The following NCALD variants were observed in gnomAD, a reference collection of about 807,000 sequenced individuals.
The protein encoded by NCALD is neurocalcin delta.
Under a neutral mutation model 18.6 loss-of-function variants are expected in NCALD, and 10 were observed. That is an observed-to-expected ratio of 0.54 (90% confidence interval 0.33 to 0.91). The LOEUF is 0.91. Among genes scored for constraint, NCALD ranks in the 40% least tolerant of loss-of-function variants. NCALD has a pLI of 0.03. For synonymous variants in NCALD, 88 were observed against 87.4 expected, an observed-to-expected ratio of 1.01 and a Z score of -0.04; for missense variants, 184 against 247.6, an observed-to-expected ratio of 0.74 and a Z score of 1.72.
At chr8:101,868,473 G>A (rs1012871667) in intron 4 of NCALD, among the ~76,000 whole-genome samples, 1 of 152,128 alleles carries the variant, frequency 6.6e-6, no homozygotes, top group Non-Finnish European at 1.5e-5. Context: ...TCACACCTAA[G>A]TAACAAAAGG....
chr8:101,726,070 G>C lies in NCALD; in HGVS notation c.-19-6422C>G, dbSNP rs575834198. On this transcript the variant is annotated intron_variant, in intron 1 of 3. Coordinates refer to ENST00000220931, the MANE Select transcript of NCALD (RefSeq NM_032041.3). ...AAGAGCAAGAACAGTGAATGAGAGG[G>C]GTCTAAGCTGGGAGGCAAGCCTAGC... 2.6e-5 allele frequency among the ~76,000 whole-genome samples: 4 copies of C among 152,254 alleles called. No individual in the cohort carries two copies. In the South Asian group the frequency reaches 8.3e-4, roughly 32 times the overall value.
At chr8:102,000,996 C>A (rs1015122951) in intron 2 of NCALD, among the ~76,000 whole-genome samples, 16 of 152,196 alleles carry the variant, frequency 1.1e-4, no homozygotes, top group African/African-American at 3.1e-4. Flanking sequence ...AATACAGCTC[C>A]TCACCAGCAA....
intron 1 of NCALD, among the ~76,000 whole-genome samples, chr8:101,746,361 C>A (rs1356305793): frequency 6.6e-6 from 1 of 152,190 alleles, no homozygotes; most frequent in African/African-American, 2.4e-5. Context: ...AAGGTATGGA[C>A]CAAATGAGGT....
intron 2 of NCALD, among the ~76,000 whole-genome samples, chr8:101,920,803 C>T (rs763018011): frequency 1.3e-5 from 2 of 152,164 alleles, no homozygotes; most frequent in Admixed American, 6.5e-5. Context: ...GTGACAGAAT[C>T]ACTGATACCC....
chr8:101,740,259 G>A (rs1281039475), intron 1 of NCALD, among the ~76,000 whole-genome samples: 2 of 152,202 alleles, frequency 1.3e-5, no homozygotes, highest in Non-Finnish European at 2.9e-5. Context: ...CACTAGACCA[G>A]CTGCCCAGTG....
At chr8:101,813,444 T>C (rs1338490114) in intron 4 of NCALD, among the ~76,000 whole-genome samples, 1 of 152,142 alleles carries the variant, frequency 6.6e-6, no homozygotes, top group Non-Finnish European at 1.5e-5. Flanking sequence ...TGTAAGCCAG[T>C]GTATCAAGGA....
At chr8:101,751,821 C>T (rs577794554) in intron 1 of NCALD, among the ~76,000 whole-genome samples, 4 of 152,330 alleles carry the variant, frequency 2.6e-5, no homozygotes, top group African/African-American at 9.6e-5. Context: ...TCAGCCATGA[C>T]TCAGCTTTCA....
chr8:102,062,909 G>A (rs1823893233), intron 1 of NCALD, among the ~76,000 whole-genome samples: 1 of 152,132 alleles, frequency 6.6e-6, no homozygotes, highest in Admixed American at 6.5e-5. Context: ...CAGAGAGGGT[G>A]CAAATATCTC....
At chr8:102,096,256 C>A (rs1197789843) in intron 1 of NCALD, among the ~76,000 whole-genome samples, 1 of 152,152 alleles carries the variant, frequency 6.6e-6, no homozygotes, top group East Asian at 1.9e-4. Flanking sequence ...TCTTCTAAGG[C>A]CTCTCTCTTG....
At position 101,930,262 on chromosome 8, in the gene NCALD, A is replaced by G. The variant is rs1030019646; in HGVS notation, c.-156-14404T>C. ...AAGTGACTGTAAATTACATAAATAT[A>G]TCTCATTAAACCCAAACAAAATGTA... On this transcript the variant is annotated intron_variant, in intron 2 of 6. Transcript: ENST00000311028. 6.6e-5 allele frequency among the ~76,000 whole-genome samples: 10 copies of G among 152,172 alleles called. No homozygotes were observed. In the East Asian group the frequency reaches 1.7e-3, roughly 27 times the overall value.
At chr8:101,913,652 G>A (rs868776223) in intron 3 of NCALD, among the ~76,000 whole-genome samples, 10 of 152,048 alleles carry the variant, frequency 6.6e-5, no homozygotes, top group African/African-American at 9.7e-5. Context: ...GCACAATCTC[G>A]GCTCACCACA....
chr8:102,057,187 C>A (rs964530252), intron 1 of NCALD, among the ~76,000 whole-genome samples: 1 of 151,980 alleles, frequency 6.6e-6, no homozygotes, highest in East Asian at 1.9e-4. Flanking sequence ...TCGTGCTCCC[C>A]TTGCCTCTGG....
chr8:102,115,151 C>T (rs939045021), intron 1 of NCALD, among the ~76,000 whole-genome samples: 1 of 152,218 alleles, frequency 6.6e-6, no homozygotes, highest in Non-Finnish European at 1.5e-5. Flanking sequence ...AGTTGGTCCC[C>T]TGCAAGGCAA....
At chr8:101,849,028 A>G (rs1814987080) in intron 4 of NCALD, among the ~76,000 whole-genome samples, 3 of 152,256 alleles carry the variant, frequency 2.0e-5, no homozygotes, top group Admixed American at 1.3e-4. Flanking sequence ...ATGCAGCCAT[A>G]AAAAGGAATG....
rs539374359 is a variant in NCALD, at chr8:102,048,265, T to A, written c.-209-27976A>T. 5.9e-5 allele frequency among the ~76,000 whole-genome samples: 9 copies of A among 152,324 alleles called. No individual in the cohort carries two copies. The South Asian group carries it at 1.7e-3, about 28-fold the overall frequency. Reference sequence around the variant, plus strand: ...TAATTCCTGTCTCTCTCTTCCTCCATAAAAGCAGACTATTGCCGGAAAATA... The same window carrying A: ...TAATTCCTGTCTCTCTCTTCCTCCAAAAAAGCAGACTATTGCCGGAAAATA... On this transcript the variant is annotated intron_variant, in intron 1 of 6. Transcript: ENST00000311028.
rs1218065429 is a variant in NCALD at position 101,686,659 on chromosome 8, A to C, written c.*2650T>G. 2.6e-5 allele frequency: 4 copies of C among 152,764 alleles called. No individual in the cohort carries two copies. The highest frequency in any genetic ancestry group is 4.4e-5 in the Non-Finnish European group (3 of 68,050). The allele number at this position is 152,764 out of a possible 1,614,324, so 9.5% of individuals were successfully genotyped here. A position where few individuals can be genotyped will look rare whatever the true frequency, so the allele number is the denominator to read the frequency against. Reference sequence around the variant, plus strand: ...ATATATTATTAAATCCACCGTGGGCATACAGATGGGATGGGACAGCACCCC... The same window carrying C: ...ATATATTATTAAATCCACCGTGGGCCTACAGATGGGATGGGACAGCACCCC... On this transcript the variant is annotated 3_prime_UTR_variant, in exon 4 of 4. Coordinates refer to ENST00000220931, the MANE Select transcript of NCALD (RefSeq NM_032041.3).
At chr8:101,972,321 C>G (rs1393669406) in intron 2 of NCALD, among the ~76,000 whole-genome samples, 2 of 152,182 alleles carry the variant, frequency 1.3e-5, no homozygotes, top group Non-Finnish European at 2.9e-5. Flanking sequence ...TAGGCTATAC[C>G]ACTATGCACA....
chr8:101,924,870 T>TA (rs531156514), intron 2 of NCALD, among the ~76,000 whole-genome samples: 13 of 152,180 alleles, frequency 8.5e-5, no homozygotes, highest in Non-Finnish European at 1.0e-4. Flanking sequence ...TTCATAAACA[T>TA]AGACATTAAA....
At chr8:101,785,263 C>T (rs376551437) in intron 1 of NCALD, among the ~76,000 whole-genome samples, 1 of 152,160 alleles carries the variant, frequency 6.6e-6, no homozygotes, top group Non-Finnish European at 1.5e-5. Flanking sequence ...CGGATTCTTC[C>T]TGCCTCCTCG....
Sources: allele counts gnomAD v4.1 joint callset (sites outside exome capture counted in the v4.1 genomes callset), GRCh38; gene constraint gnomAD v4.1.1; transcripts MANE v1.5; gene names NCBI Gene and HGNC (gene_info 2026-07-23, HGNC 2026-07-21).